COL18A1: variants seen among roughly 807,000 people sequenced by gnomAD.
COL18A1 encodes the protein collagen type XVIII alpha 1 chain, also known as collagen alpha-1(XVIII) chain.
COL18A1 carries 133 observed loss-of-function variants against 168.0 expected under a neutral mutation model. The observed-to-expected ratio is 0.79, with a 90% CI of 0.69 to 0.91. COL18A1 has a LOEUF of 0.91. COL18A1 is among the 40% of genes least tolerant of loss of function. The pLI, the probability that COL18A1 is intolerant of heterozygous loss-of-function variation, is 0.00. For synonymous variants in COL18A1, 949 were observed against 809.0 expected, an observed-to-expected ratio of 1.17 and a Z score of -2.94; for missense variants, 2,126 against 1,925.4, an observed-to-expected ratio of 1.10 and a Z score of -1.95.
At chr21:45,461,941 G>A (rs1472631951) in intron 2 of COL18A1, among the ~76,000 whole-genome samples, 1 of 152,134 alleles carries the variant, frequency 6.6e-6, no homozygotes, top group Non-Finnish European at 1.5e-5. Flanking sequence ...ACCATTTTCT[G>A]CAGGGCAGGT....
intron 2 of COL18A1, among the ~76,000 whole-genome samples, chr21:45,437,375 GACAC>G (rs1183321036): frequency 3.7e-5 from 1 of 26,788 alleles, no homozygotes; most frequent in Non-Finnish European, 6.5e-5. Flanking sequence ...CACACACTCA[GACAC>G]ACAGGCACTC....
At chr21:45,427,170 G>T (rs2838924) in intron 2 of COL18A1, among the ~76,000 whole-genome samples, 1 of 152,132 alleles carries the variant, frequency 6.6e-6, no homozygotes, top group East Asian at 1.9e-4. Flanking sequence ...TGGCAGCCAC[G>T]CTGGGGGCTG....
chr21:45,412,767 C>T (rs541593595), intron 2 of COL18A1, among the ~76,000 whole-genome samples: 2 of 152,282 alleles, frequency 1.3e-5, no homozygotes, highest in East Asian at 1.9e-4. Flanking sequence ...GGGGAGGCCA[C>T]GTGGCACCTG....
chr21:45,466,246 C>T (rs74684696), intron 2 of COL18A1, among the ~76,000 whole-genome samples: 2,316 of 152,264 alleles, frequency 0.015, 55 homozygotes, highest in East Asian at 0.094. Flanking sequence ...CAGAGGTACC[C>T]GCTGCTCTCC....
chr21:45,476,951 G>GTGTGGC (rs1555860228), intron 6 of COL18A1, among the ~76,000 whole-genome samples: 1 of 149,722 alleles, frequency 6.7e-6, no homozygotes, highest in African/African-American at 2.5e-5. Context: ...GTGTGTGTGT[G>GTGTGGC]GCAGGTGGGG....
chr21:45,461,112 A>G (rs993153172), intron 2 of COL18A1, among the ~76,000 whole-genome samples: 3 of 152,222 alleles, frequency 2.0e-5, no homozygotes, highest in Admixed American at 6.5e-5. Flanking sequence ...TATGCGATAC[A>G]GTATTCTAGC....
chr21:45,406,614 TC>T (rs1375378765), intron 2 of COL18A1, among the ~76,000 whole-genome samples: 6 of 152,054 alleles, frequency 3.9e-5, no homozygotes, highest in Admixed American at 2.0e-4. Context: ...CCAGGGTCAC[TC>T]GGGGCCATTA....
At chr21:45,433,816 G>A (rs2034027791) in intron 2 of COL18A1, among the ~76,000 whole-genome samples, 2 of 152,218 alleles carry the variant, frequency 1.3e-5, no homozygotes, top group African/African-American at 4.8e-5. Context: ...CTGCAAATGG[G>A]TTCACTGAAA....
intron 15 of COL18A1, among the ~76,000 whole-genome samples, chr21:45,486,164 C>T (rs1286985380): frequency 6.6e-6 from 1 of 152,220 alleles, no homozygotes; most frequent in Non-Finnish European, 1.5e-5. Flanking sequence ...TCACGGCTTT[C>T]GGACTAATAG....
intron 2 of COL18A1, among the ~76,000 whole-genome samples, chr21:45,452,973 C>A (rs953361189): frequency 5.3e-5 from 8 of 151,278 alleles, no homozygotes; most frequent in Admixed American, 5.3e-4. Flanking sequence ...CTTGTGTATG[C>A]ATGAGTATTC....
In COL18A1 at chr21:45,504,086, C is replaced by T. The variant is rs767493943; in HGVS notation, c.2727+32C>T. On this transcript the variant is annotated intron_variant, in intron 33 of 41. Coordinates refer to ENST00000651438, the MANE Select transcript of COL18A1 (RefSeq NM_001379500.1). The stretch of plus-strand genomic sequence containing the variant: ...GACCTCCCTGTGGGGTTGGGGGCCC[C>T]CAAGGTCCTGTACATCCCGCTGGGT... 20 of 1,611,890 alleles carry T rather than the reference C, an allele frequency of 1.2e-5. No homozygotes were observed. In the East Asian group the frequency reaches 2.5e-4, roughly 20 times the overall value.
intron 31 of COL18A1, among the ~76,000 whole-genome samples, chr21:45,497,362 C>T (rs757113274): frequency 3.2e-4 from 49 of 152,238 alleles, no homozygotes; most frequent in Non-Finnish European, 5.9e-4. Flanking sequence ...GAAGCAGCCC[C>T]GTCCCTCCTG....
rs1161838395 is a variant in COL18A1 at position 45,455,828 on chromosome 21, C to T, written c.107-12414C>T. 6.2e-7 allele frequency: 1 copy of T among 1,613,312 alleles called. No homozygotes were observed. Among genetic ancestry groups the T allele is most frequent in the African/African-American group, 1.3e-5 (1 of 75,048 alleles). ...GGACACCCCCACTTCTGCCGAGAGC[C>T]CGGACGCGCCAGAGGAGAACATTGC... On this transcript the variant is annotated intron_variant, in intron 2 of 41. Coordinates refer to ENST00000651438, the MANE Select transcript of COL18A1 (RefSeq NM_001379500.1).
Position 45,480,081 on chromosome 21 carries a change from G to A in COL18A1, c.1323G>A (p.Gly441=), listed in dbSNP as rs201380467. The change falls in exon 11 of 42, where the codon GGG becomes GGA. Residue 441 remains glycine (G), a synonymous_variant. Transcript: ENST00000651438. ...VGPKGDKGDP[G]VGERGPPGPQ... ...TCTTGTGTTCCCAGGGAGACCCTGG[G>A]GTTGGAGAGAGAGGGCCCCCAGGAC... is the stretch of plus-strand genomic sequence containing the variant. 1.7e-4 allele frequency: 276 copies of A among 1,610,936 alleles called. 2 individuals carry two copies. The highest frequency in any genetic ancestry group is 2.0e-4 in the Admixed American group (12 of 59,984).
At chr21:45,492,276 C>A (rs904067107) in intron 22 of COL18A1, among the ~76,000 whole-genome samples, 13 of 152,308 alleles carry the variant, frequency 8.5e-5, no homozygotes, top group African/African-American at 2.9e-4. Flanking sequence ...AAGGGAGCGT[C>A]TAGCAGAGGC....
rs1211845023 is a variant in COL18A1, at chr21:45,488,399, G to A, written c.1897-19G>A. The A allele has an allele frequency of 6.2e-7, 1 of 1,613,666 alleles. No homozygotes were observed. The highest frequency in any genetic ancestry group is 8.5e-7 in the Non-Finnish European group (1 of 1,179,992). Reference sequence around the variant, plus strand: ...GGGCCTCCAGCTGCACTAACACTGTGTCTCCTCTGCCCTGACAGGGACCTC... The same window carrying A: ...GGGCCTCCAGCTGCACTAACACTGTATCTCCTCTGCCCTGACAGGGACCTC... On this transcript the variant is annotated intron_variant, in intron 17 of 41. Transcript: ENST00000651438.
At chr21:45,489,828 G>A (rs1453847370) in intron 19 of COL18A1, among the ~76,000 whole-genome samples, 6 of 82,558 alleles carry the variant, frequency 7.3e-5, no homozygotes, top group Non-Finnish European at 1.2e-4. Flanking sequence ...CCTTTTCCCC[G>A]ACTTCCCCCT....
At chr21:45,441,700 G>A (rs1569291257) in intron 2 of COL18A1, among the ~76,000 whole-genome samples, 1 of 152,226 alleles carries the variant, frequency 6.6e-6, no homozygotes, top group Non-Finnish European at 1.5e-5. Context: ...ACGCCAACAG[G>A]TCTCCTCTGA....
intron 2 of COL18A1, among the ~76,000 whole-genome samples, chr21:45,447,747 A>T (rs2034534658): frequency 6.6e-6 from 1 of 152,130 alleles, no homozygotes; most frequent in Non-Finnish European, 1.5e-5. Flanking sequence ...GTCTTTGAAA[A>T]TATCTGCTTT....
Sources: allele counts gnomAD v4.1 joint callset (sites outside exome capture counted in the v4.1 genomes callset), GRCh38; gene constraint gnomAD v4.1.1; transcripts MANE v1.5; gene names NCBI Gene and HGNC (gene_info 2026-07-23, HGNC 2026-07-21).